Variants in PFKP observed in about 807,000 individuals in gnomAD.
PFKP encodes phosphofructokinase, platelet.
A neutral mutation model predicts 94.3 loss-of-function variants in PFKP; 101 were observed. The ratio of observed to expected loss-of-function variants is 1.07; its 90% CI spans 0.91 to 1.26. The LOEUF (loss-of-function observed/expected upper bound fraction) is 1.26, where lower values mean the gene tolerates loss of function less well. Ranked by LOEUF, PFKP falls within the 50% of genes most tolerant of loss-of-function variation. The pLI is 0.00. For missense variants in PFKP, 1,145 were observed against 1,103.3 expected (o/e 1.04, Z -0.53); for synonymous variants, 573 against 432.6 (o/e 1.32, Z -4.03).
Position 3,113,393 on chromosome 10 carries a change from A to T in PFKP, c.1246A>T (p.Ile416Phe). The T allele has an allele frequency of 6.3e-7, 1 of 1,594,458 alleles. No homozygotes were observed. The highest frequency in any genetic ancestry group is 8.6e-7 in the Non-Finnish European group (1 of 1,167,740). ...IPKTNCNVAV[I>F]NVGAPAAGMN... is the part of the protein sequence containing the mutation. The stretch of plus-strand genomic sequence containing the variant: ...GCAGACCAATTGCAACGTAGCTGTC[A>T]TCAACGTGGGGGCACCCGCGGCTGG... The change falls in exon 13 of 22, where the codon ATC becomes TTC. Residue 416 changes from isoleucine (I) to phenylalanine (F), a missense_variant. This residue lies in a region of PFKP where 1,119 missense variants were observed against 1,062.8 expected (regional missense o/e 1.05). Coordinates refer to ENST00000381125, the MANE Select transcript of PFKP (RefSeq NM_002627.5).
At chr10:3,126,237 T>C (rs1837930960) in intron 16 of PFKP, among the ~76,000 whole-genome samples, 1 of 152,218 alleles carries the variant, frequency 6.6e-6, no homozygotes, top group Non-Finnish European at 1.5e-5. Flanking sequence ...CAGCTTCCTG[T>C]GAGTCCGAGC....
intron 19 of PFKP, 67 bp from the exon 20 acceptor site, chr10:3,134,416 T>C (rs1412596549): frequency 1.1e-6 from 1 of 891,108 alleles, no homozygotes; most frequent in Non-Finnish European, 1.8e-6. Flanking sequence ...ATAGAAATTG[T>C]CATTTCTATT....
In PFKP at chr10:3,136,669, TATTGAC is replaced by T. The variant is rs1839408753; in HGVS notation, c.*94_*99del. 7 of 1,414,332 alleles carry T rather than the reference TATTGAC, an allele frequency of 4.9e-6. No individual in the cohort carries two copies. The highest frequency in any genetic ancestry group is 3.8e-5 in the South Asian group (3 of 79,148). The allele number at this position is 1,414,332 out of a possible 1,614,324, so 87.6% of individuals were successfully genotyped here. A position where few individuals can be genotyped will look rare whatever the true frequency, so the allele number is the denominator to read the frequency against. ...TTTTATCAGCACTTTATGCACGTATTATTGACATTAATACCTAATCGGCGAGTGCCC... is the reference window on the plus strand; with the variant it reads ...TTTTATCAGCACTTTATGCACGTATTATTAATACCTAATCGGCGAGTGCCC... On this transcript the variant is annotated 3_prime_UTR_variant, in exon 22 of 22. Transcript: ENST00000381125.
chr10:3,109,300 C>T, intron 9 of PFKP, 55 bp from the exon 10 acceptor site: 1 of 1,600,320 alleles, frequency 6.2e-7, no homozygotes, highest in Non-Finnish European at 8.5e-7. Context: ...TAGGAGGTGA[C>T]AGGGACAGGG....
intron 10 of PFKP, among the ~76,000 whole-genome samples, chr10:3,110,941 G>GTAGTGTGTGTGCATGT (rs554180337): frequency 6.6e-6 from 1 of 150,766 alleles, no homozygotes; most frequent in African/African-American, 2.4e-5. Context: ...TTTTTGTGAG[G>GTAGTGTGTGTGCATGT]TAGTGTGTGT....
At position 3,134,574 on chromosome 10, in the gene PFKP, G is replaced by T. The variant is rs200067284; in HGVS notation, c.2114G>T (p.Arg705Leu). 32 of 1,610,458 alleles carry T rather than the reference G, an allele frequency of 2.0e-5. No homozygotes were observed. The highest frequency in any genetic ancestry group is 2.6e-5 in the Non-Finnish European group (31 of 1,176,852). Residue 705 changes from arginine to leucine, a missense_variant, in exon 20 of 22, where the codon CGG (arginine) becomes CTG (leucine). By Grantham distance (102) the Arg-to-Leu change is moderately radical (BLOSUM62 -2). This residue lies in a region of PFKP where 1,119 missense variants were observed against 1,062.8 expected (regional missense o/e 1.05). Transcript: ENST00000381125. Reference protein sequence around the residue: ...EWITAKLKEARGRGKKFTTDD... With the variant: ...EWITAKLKEALGRGKKFTTDD... Reference sequence around the variant, plus strand: ...ATCACTGCAAAACTCAAGGAGGCCCGGGGCAGAGGTAAGGGGTCTGGGGAG... The same window carrying T: ...ATCACTGCAAAACTCAAGGAGGCCCTGGGCAGAGGTAAGGGGTCTGGGGAG...
intron 1 of PFKP, among the ~76,000 whole-genome samples, chr10:3,068,344 G>C (rs985250207): frequency 3.3e-5 from 5 of 152,186 alleles, no homozygotes; most frequent in Admixed American, 3.3e-4. Flanking sequence ...GCGTCTCCAG[G>C]GCGGTCCGGC....
At chr10:3,125,583 C>G (rs1411213982) in intron 16 of PFKP, among the ~76,000 whole-genome samples, 1 of 150,710 alleles carries the variant, frequency 6.6e-6, no homozygotes, top group Admixed American at 6.6e-5. Context: ...GCTGTGGGAG[C>G]CTGCAGGAAG....
At chr10:3,102,717 C>T (rs913512546) in intron 4 of PFKP, among the ~76,000 whole-genome samples, 3 of 152,186 alleles carry the variant, frequency 2.0e-5, no homozygotes, top group East Asian at 1.9e-4. Context: ...TCCCTTGAAG[C>T]GGTTATGTAA....
chr10:3,128,756 C>T (rs1368763300), intron 16 of PFKP, among the ~76,000 whole-genome samples: 1 of 152,216 alleles, frequency 6.6e-6, no homozygotes, highest in African/African-American at 2.4e-5. Context: ...TAGGATTCAC[C>T]TTTATCACCG....
rs552339308 is a variant in PFKP at position 3,136,690 on chromosome 10, G to A, written c.*111G>A. 105 of 1,180,500 alleles carry A rather than the reference G, an allele frequency of 8.9e-5. 1 individual carries two copies. The highest frequency in any genetic ancestry group is 2.7e-4 in the East Asian group (10 of 37,050). 73.1% of individuals were successfully genotyped at this position (1,180,500 alleles called of 1,614,324 possible). A position where few individuals can be genotyped will look rare whatever the true frequency, so the allele number is the denominator to read the frequency against. ...GTATTATTGACATTAATACCTAATC[G>A]GCGAGTGCCCATCTGCCCCACCTGC... On this transcript the variant is annotated 3_prime_UTR_variant, in exon 22 of 22. Coordinates refer to ENST00000381125, the MANE Select transcript of PFKP (RefSeq NM_002627.5).
Position 3,079,653 on chromosome 10 carries a change from A to C in PFKP, c.113-2735A>C, listed in dbSNP as rs529099973. ...AGACCGGTGGGAACGAGGTCTTCAG[A>C]GAGCGGGGTGGGGGGGGGGGGAAGA... On this transcript the variant is annotated intron_variant, in intron 1 of 21. Transcript: ENST00000381125. Among the ~76,000 whole-genome samples the C allele has an allele frequency of 2.1e-3, 21 of 10,108 alleles. No homozygotes were observed. In the East Asian group the frequency reaches 0.028, roughly 13 times the overall value. 6.6% of individuals were successfully genotyped at this position (10,108 alleles called of 152,430 possible).
chr10:3,103,965 G>C (rs373722703), intron 5 of PFKP, 21 bp downstream of exon 5: 2 of 1,609,620 alleles, frequency 1.2e-6, no homozygotes, highest in Non-Finnish European at 1.7e-6. Context: ...CAGAGGAACC[G>C]GCGGGAGGCC....
chr10:3,099,389 T>C, intron 3 of PFKP, 37 bp downstream of exon 3: 1 of 1,498,708 alleles, frequency 6.7e-7, no homozygotes, highest in Non-Finnish European at 9.3e-7. Context: ...TTCTCTGAGT[T>C]AGAGACTCTT....
intron 3 of PFKP, 146 bp from the exon 4 acceptor site, chr10:3,101,219 T>A: frequency 3.9e-6 from 3 of 767,828 alleles, no homozygotes; most frequent in Non-Finnish European, 6.2e-6. Flanking sequence ...AAAATCACAG[T>A]CTTTCATAGC....
chr10:3,073,920 C>T (rs991433148), intron 1 of PFKP, among the ~76,000 whole-genome samples: 6 of 152,168 alleles, frequency 3.9e-5, no homozygotes, highest in African/African-American at 1.2e-4. Flanking sequence ...TCACTGCAAC[C>T]TCCGCCTCCT....
chr10:3,136,327 A>C, intron 21 of PFKP, 123 bp from the exon 22 acceptor site: 1 of 884,428 alleles, frequency 1.1e-6, no homozygotes, highest in Non-Finnish European at 1.8e-6. Flanking sequence ...TTTATCATCT[A>C]GTTGATTCAG....
chr10:3,100,017 G>C (rs1033545008), intron 3 of PFKP, among the ~76,000 whole-genome samples: 1 of 151,446 alleles, frequency 6.6e-6, no homozygotes, highest in Admixed American at 6.6e-5. Flanking sequence ...TGTGTGTGGG[G>C]TGTGTGTATA....
At position 3,132,397 on chromosome 10, in the gene PFKP, G is replaced by A; in HGVS notation, c.1866G>A (p.Leu622=). The stretch of plus-strand genomic sequence containing the variant: ...TCTTCCAGTCCAACGTGGAGCACCT[G>A]ACGGAGAAAATGAAGACCACCATCC... ...IRDLQSNVEH[L]TEKMKTTIQR... The change falls in exon 18 of 22, where the codon CTG becomes CTA. Residue 622 remains leucine (L), a synonymous_variant. Transcript: ENST00000381125. The A allele has an allele frequency of 3.1e-6, 5 of 1,612,484 alleles. No individual in the cohort carries two copies. Among genetic ancestry groups the A allele is most frequent in the Non-Finnish European group, 4.2e-6 (5 of 1,178,532 alleles).
Sources: allele counts gnomAD v4.1 joint callset (sites outside exome capture counted in the v4.1 genomes callset), GRCh38; gene constraint gnomAD v4.1.1; regional missense constraint gnomAD v4.1.1; transcripts MANE v1.5; gene names NCBI Gene and HGNC (gene_info 2026-07-23, HGNC 2026-07-21).